STRA6: variants seen among roughly 807,000 people sequenced by gnomAD.
STRA6 encodes the protein receptor for retinol uptake STRA6.
STRA6 carries 48 observed loss-of-function variants against 83.6 expected under a neutral mutation model. The observed-to-expected ratio is 0.57, with a 90% CI of 0.46 to 0.73. The LOEUF (loss-of-function observed/expected upper bound fraction) is 0.73, where lower values mean the gene tolerates loss of function less well. Among genes scored for constraint, STRA6 ranks in the 30% least tolerant of loss-of-function variants. STRA6 has a pLI of 0.00. For missense variants in STRA6, 760 were observed against 838.8 expected, an observed-to-expected ratio of 0.91 and a Z score of 1.16; for synonymous variants, 353 against 362.3, an observed-to-expected ratio of 0.97 and a Z score of 0.29.
chr15:74,187,356 T>C (rs997959704), intron 12 of STRA6, among the ~76,000 whole-genome samples: 1 of 152,226 alleles, frequency 6.6e-6, no homozygotes, highest in African/African-American at 2.4e-5. Flanking sequence ...CTTTGGGGGA[T>C]AGATCTGTCT....
chr15:74,202,232 G>C lies in STRA6; in HGVS notation c.36C>G (p.Pro12=). The part of the protein sequence containing the change: ...SSQPAGNQTS[P]GATEDYSYGS... ...CATAGGAGTAGTCCTCTGTGGCCCC[G>C]GGGGAGGTCTGGTTCCCTGCTGGCT... is the stretch of plus-strand genomic sequence containing the variant. Residue 12 remains proline (P), a synonymous_variant, in exon 2 of 19, where the codon CCC becomes CCG. Coordinates refer to ENST00000395105, the MANE Select transcript of STRA6 (RefSeq NM_022369.4). The C allele has an allele frequency of 6.5e-7, 1 of 1,537,258 alleles. No homozygotes were observed. The highest frequency in any genetic ancestry group is 8.7e-7 in the Non-Finnish European group (1 of 1,147,772).
intron 18 of STRA6, among the ~76,000 whole-genome samples, chr15:74,180,478 G>A (rs1192292736): frequency 6.6e-6 from 1 of 152,156 alleles, no homozygotes; most frequent in Non-Finnish European, 1.5e-5. Flanking sequence ...ACACTTCTGG[G>A]CAGAAGGAAA....
chr15:74,188,163 G>A lies in STRA6; in HGVS notation c.1090+952C>T, dbSNP rs1187276711. ...GGTCAGGGAAGGAAGTGGTCACTCC[G>A]TGCACCTCTGCCCACCCCCCACTCC... On this transcript the variant is annotated intron_variant, in intron 12 of 18. Coordinates refer to ENST00000395105, the MANE Select transcript of STRA6 (RefSeq NM_022369.4). This position sits in a 1 kb window ranked among gnomAD's most constrained non-coding sequence, Gnocchi z 4.5. Among the ~76,000 whole-genome samples the A allele has an allele frequency of 2.6e-5, 4 of 152,134 alleles. No homozygotes were observed. The highest frequency in any genetic ancestry group is 2.4e-5 in the African/African-American group (1 of 41,434).
rs191245029 is a variant in STRA6 at position 74,188,983 on chromosome 15, A to G, written c.1090+132T>C. On this transcript the variant is annotated intron_variant, in intron 12 of 18. Coordinates refer to ENST00000395105, the MANE Select transcript of STRA6 (RefSeq NM_022369.4). The surrounding 1 kb of genome is among the most constrained non-coding windows in gnomAD (Gnocchi z 4.5). ...ACTGCCACAATTTGGAGATGAGGCA[A>G]TCGAGACCCAGAGAGAGGAAGGAAT... 4.8e-4 allele frequency: 545 copies of G among 1,136,944 alleles called. 5 individuals are homozygous for G. The African/African-American group carries it at 7.8e-3, about 16-fold the overall frequency. 70.4% of individuals were successfully genotyped at this position (1,136,944 alleles called of 1,614,324 possible).
rs2073549628 is a variant in STRA6 at position 74,191,685 on chromosome 15, C to T, written c.721-194G>A. 6.3e-6 allele frequency: 4 copies of T among 635,150 alleles called. No homozygotes were observed. In the African/African-American group the frequency reaches 7.3e-5, roughly 12 times the overall value. The allele number at this position is 635,150 out of a possible 1,614,324, so 39.3% of individuals were successfully genotyped here. A position where few individuals can be genotyped will look rare whatever the true frequency, so the allele number is the denominator to read the frequency against. ...GCCCTCCAAAGCTTCCCTTTTCTCT[C>T]TCACAAATACAAGGCCAGTCTCCTA... On this transcript the variant is annotated intron_variant, in intron 8 of 18. Transcript: ENST00000395105.
chr15:74,202,808 G>A, upstream of STRA6: 1 of 1,104,406 alleles, frequency 9.1e-7, no homozygotes, highest in Non-Finnish European at 1.1e-6. Flanking sequence ...TCCCAGCTGG[G>A]CTCCCTTGAG....
At chr15:74,210,945 TA>T (rs1210727643), upstream of STRA6, among the ~76,000 whole-genome samples, 3 of 152,160 alleles carry the variant, frequency 2.0e-5, no homozygotes, top group African/African-American at 7.2e-5. Flanking sequence ...AGTCATGAGT[TA>T]AGTAGAATAG....
chr15:74,193,933 A>C lies in STRA6; in HGVS notation c.598-11T>G. 1 of 1,612,558 alleles carries C rather than the reference A, an allele frequency of 6.2e-7. No homozygotes were observed. Among genetic ancestry groups the C allele is most frequent in the Non-Finnish European group, 8.5e-7 (1 of 1,178,904 alleles). Reference sequence around the variant, plus strand: ...GTAGTACTTGTAGATCTGGACAGACAAACACCCAGACAGACTACTTTCCAC... The same window carrying C: ...GTAGTACTTGTAGATCTGGACAGACCAACACCCAGACAGACTACTTTCCAC... On this transcript the variant is annotated splice_polypyrimidine_tract_variant and intron_variant, in intron 7 of 18. Transcript: ENST00000395105.
upstream of STRA6, among the ~76,000 whole-genome samples, chr15:74,207,223 A>G (rs989579537): frequency 3.9e-5 from 6 of 152,246 alleles, no homozygotes; most frequent in Non-Finnish European, 8.8e-5. Flanking sequence ...GAAGAAGCTA[A>G]CAGCAGGCCA....
rs202174410 is a variant in STRA6, at chr15:74,189,232, C to A, written c.973G>T (p.Val325Leu). ...LVGVVPTIQK[V>L]RAGVTTDVSY... Reference sequence around the variant, plus strand: ...ACATCCGTGGTGACCCCTGCCCTCACCTTCTGGATAGTGGGTACCACGCCC... The same window carrying A: ...ACATCCGTGGTGACCCCTGCCCTCAACTTCTGGATAGTGGGTACCACGCCC... Residue 325 changes from valine (V) to leucine (L), a missense_variant, in exon 12 of 19, where the codon GTG becomes TTG. Val to Leu is a conservative substitution (Grantham distance 32). Coordinates refer to ENST00000395105, the MANE Select transcript of STRA6 (RefSeq NM_022369.4). The A allele has an allele frequency of 1.1e-4, 170 of 1,610,204 alleles. No homozygotes were observed. The African/African-American group carries it at 2.1e-3, about 20-fold the overall frequency.
At chr15:74,207,013 T>C (rs2074275056), upstream of STRA6, among the ~76,000 whole-genome samples, 1 of 152,240 alleles carries the variant, frequency 6.6e-6, no homozygotes, top group African/African-American at 2.4e-5. Flanking sequence ...CCATCTGCCA[T>C]TTGGGCTTGG....
intron 3 of STRA6, 131 bp from the exon 4 acceptor site, chr15:74,197,554 C>T: frequency 1.8e-6 from 2 of 1,084,660 alleles, no homozygotes; most frequent in South Asian, 1.4e-5. Flanking sequence ...ATCTTGGGGA[C>T]TGGTCAAGGG....
intron 1 of STRA6, chr15:74,208,124 T>C: frequency 1.9e-6 from 2 of 1,041,570 alleles, no homozygotes; most frequent in Non-Finnish European, 2.4e-6. Flanking sequence ...TAGCCGGCTG[T>C]GCCAGGGGAG....
rs2072903915 is a variant in STRA6, at chr15:74,180,163, G to A, written c.1921C>T (p.Leu641=). The change falls in exon 19 of 19, where the codon CTG becomes TTG. Residue 641 remains leucine (L), a synonymous_variant. Coordinates refer to ENST00000395105, the MANE Select transcript of STRA6 (RefSeq NM_022369.4). ...GGGTTGTGCAGCAGCGTGTAGGCCAGACCCCAGCGAGCCCTGCCGCGGCTG... is the reference window on the plus strand; with the variant it reads ...GGGTTGTGCAGCAGCGTGTAGGCCAAACCCCAGCGAGCCCTGCCGCGGCTG... ...GASRGRARWG[L]AYTLLHNPTL... is the part of the protein sequence containing the mutation. 1 of 1,613,874 alleles carries A rather than the reference G, an allele frequency of 6.2e-7. No individual in the cohort carries two copies. Among genetic ancestry groups the A allele is most frequent in the African/African-American group, 1.3e-5 (1 of 74,920 alleles).
intron 4 of STRA6, 68 bp downstream of exon 4, chr15:74,197,270 C>A (rs774478383): frequency 1.6e-5 from 19 of 1,173,638 alleles, no homozygotes; most frequent in Non-Finnish European, 2.1e-5. Flanking sequence ...TAACAAATCA[C>A]CCACCCTCCC....
intron 4 of STRA6, among the ~76,000 whole-genome samples, chr15:74,196,849 C>A (rs1198738055): frequency 1.3e-5 from 2 of 152,224 alleles, no homozygotes; most frequent in African/African-American, 2.4e-5. Flanking sequence ...TTGCCCAGCC[C>A]CATCTCCTCA....
chr15:74,198,999 G>C (rs1406363132), intron 2 of STRA6, among the ~76,000 whole-genome samples: 1 of 152,212 alleles, frequency 6.6e-6, no homozygotes, highest in Non-Finnish European at 1.5e-5. Context: ...CTGGGTCCCT[G>C]GTGAGCAGTA....
At chr15:74,198,773 G>A (rs926916213) in intron 2 of STRA6, among the ~76,000 whole-genome samples, 2 of 152,182 alleles carry the variant, frequency 1.3e-5, no homozygotes, top group Non-Finnish European at 2.9e-5. Context: ...ACCTAACTGG[G>A]GATCCCTTTC....
chr15:74,179,742 G>A lies in STRA6; in HGVS notation c.*338C>T, dbSNP rs1011139616. The A allele has an allele frequency of 2.3e-5, 6 of 263,184 alleles. No individual in the cohort carries two copies. In the Admixed American group the frequency reaches 2.8e-4, roughly 12 times the overall value. 16.3% of individuals were successfully genotyped at this position (263,184 alleles called of 1,614,324 possible). ...GTGGAGCTGGGCTGGAGTGGTTCCA[G>A]AGAAGGCTTCATCGAGGCCCTTCAA... On this transcript the variant is annotated 3_prime_UTR_variant, in exon 19 of 19. Transcript: ENST00000395105.
Sources: allele counts gnomAD v4.1 joint callset (sites outside exome capture counted in the v4.1 genomes callset), GRCh38; gene constraint gnomAD v4.1.1; non-coding constraint Gnocchi (gnomAD v3.1); transcripts MANE v1.5; gene names NCBI Gene and HGNC (gene_info 2026-07-23, HGNC 2026-07-21).